TEKT5: variants seen among roughly 807,000 people sequenced by gnomAD.
The protein encoded by TEKT5 is tektin-5.
In TEKT5, 52 loss-of-function variants were observed where a neutral mutation model predicts 48.7. The ratio of observed to expected loss-of-function variants is 1.07; its 90% CI spans 0.86 to 1.35. The LOEUF is 1.35. Ranked by LOEUF, TEKT5 falls within the 40% of genes most tolerant of loss-of-function variation. The probability of loss-of-function intolerance (pLI) is 0.00; values close to 1 mark genes in which losing one functional copy is unlikely to be tolerated. For missense variants in TEKT5, 831 were observed against 641.6 expected (o/e 1.30, Z -3.19); for synonymous variants, 318 against 267.6 (o/e 1.19, Z -1.84).
chr16:10,680,959 T>C (rs567957016), intron 4 of TEKT5, among the ~76,000 whole-genome samples: 5 of 149,828 alleles, frequency 3.3e-5, no homozygotes, highest in African/African-American at 4.9e-5. Context: ...TGTATACATA[T>C]GTAACTAACC....
In TEKT5 at chr16:10,633,440, G is replaced by A. The variant is rs934443239; in HGVS notation, c.1241+2324C>T. 3.9e-5 allele frequency among the ~76,000 whole-genome samples: 6 copies of A among 152,100 alleles called. No homozygotes were observed. The East Asian group carries it at 7.7e-4, about 20-fold the overall frequency. The stretch of plus-strand genomic sequence containing the variant: ...GGTACTGGGGTTCAGCCTGAGCATC[G>A]AAGAAGCAGGGGCAGAGGGAAGAGA... On this transcript the variant is annotated intron_variant, in intron 6 of 6. Transcript: ENST00000283025.
chr16:10,647,633 C>G (rs1567227036), intron 5 of TEKT5, among the ~76,000 whole-genome samples: 1 of 131,086 alleles, frequency 7.6e-6, no homozygotes, highest in African/African-American at 2.9e-5. Flanking sequence ...CCCACCTTGT[C>G]TCTTTCTTTG....
chr16:10,689,326 G>A lies in TEKT5; in HGVS notation c.649-3C>T, dbSNP rs373982599. The A allele has an allele frequency of 1.9e-6, 3 of 1,612,034 alleles. No individual in the cohort carries two copies. The African/African-American group carries it at 4.0e-5, about 22-fold the overall frequency. Reference sequence around the variant, plus strand: ...CAACATTTTAGCAAATCCACTTCCTGAAATGAAAAATGTCAGAAAGAGCAG... The same window carrying A: ...CAACATTTTAGCAAATCCACTTCCTAAAATGAAAAATGTCAGAAAGAGCAG... On this transcript the variant is annotated splice_polypyrimidine_tract_variant and splice_region_variant and intron_variant, in intron 2 of 6. Coordinates refer to ENST00000283025, the MANE Select transcript of TEKT5 (RefSeq NM_144674.2).
Position 10,689,406 on chromosome 16 carries a change from C to G in TEKT5, c.649-83G>C, listed in dbSNP as rs545146027. ...CCAGGCCAGAGCCCTCAGCTCTCCC[C>G]TCCCCTCTCACTGACCACCCTCGAC... On this transcript the variant is annotated intron_variant, in intron 2 of 6. Transcript: ENST00000283025. The G allele has an allele frequency of 1.7e-3, 2,160 of 1,266,172 alleles. 4 individuals are homozygous for G. Among genetic ancestry groups the G allele is most frequent in the Non-Finnish European group, 2.3e-3 (2,039 of 884,832 alleles). 78.4% of individuals were successfully genotyped at this position (1,266,172 alleles called of 1,614,324 possible).
At chr16:10,663,593 C>T (rs1177007570) in intron 5 of TEKT5, among the ~76,000 whole-genome samples, 1 of 152,108 alleles carries the variant, frequency 6.6e-6, no homozygotes, top group Non-Finnish European at 1.5e-5. Context: ...TCCGGAGGGA[C>T]CCGGTCAGGG....
rs546824808 is a variant in TEKT5, at chr16:10,669,590, C to T, written c.1086+6369G>A. Among the ~76,000 whole-genome samples the T allele has an allele frequency of 6.9e-4, 105 of 152,292 alleles. 1 individual carries two copies. In the South Asian group the frequency reaches 7.3e-3, roughly 11 times the overall value. On this transcript the variant is annotated intron_variant, in intron 5 of 6. Transcript: ENST00000283025. ...ATTGTATGATTCAGTGATATTAATGCTATATCCATGTAACACATATAATAT... is the reference window on the plus strand; with the variant it reads ...ATTGTATGATTCAGTGATATTAATGTTATATCCATGTAACACATATAATAT...
intron 4 of TEKT5, among the ~76,000 whole-genome samples, chr16:10,681,042 CAAA>C (rs35641359): frequency 4.0e-5 from 5 of 125,250 alleles, no homozygotes; most frequent in African/African-American, 1.5e-4. Flanking sequence ...AGAAAAATAC[CAAA>C]AAAAAAAAAA....
intron 5 of TEKT5, among the ~76,000 whole-genome samples, chr16:10,640,393 C>G (rs966413452): frequency 2.0e-5 from 3 of 152,168 alleles, no homozygotes; most frequent in Admixed American, 2.0e-4. Flanking sequence ...AGAATACAGG[C>G]ATGTGAGCCG....
rs774458718 is a variant in TEKT5 at position 10,627,652 on chromosome 16, G to C, written c.1389C>G (p.Ile463Met). The stretch of plus-strand genomic sequence containing the variant: ...GCATGCCCATGCACTTCTCCTTGTC[G>C]ATGCAGAGGGTGTTGGCCTTGATGG... The part of the protein sequence containing the change: ...ELAIKANTLC[I>M]DKEKCMGMRK... Residue 463 changes from isoleucine (I) to methionine (M), a missense_variant, in exon 7 of 7, where the codon ATC (isoleucine) becomes ATG (methionine). Transcript: ENST00000283025. The C allele has an allele frequency of 2.5e-6, 4 of 1,614,054 alleles. No individual in the cohort carries two copies. The highest frequency in any genetic ancestry group is 1.7e-5 in the Admixed American group (1 of 60,000).
At chr16:10,632,515 C>G (rs188257765) in intron 6 of TEKT5, among the ~76,000 whole-genome samples, 48 of 152,116 alleles carry the variant, frequency 3.2e-4, no homozygotes, top group Non-Finnish European at 1.6e-4. Context: ...AGGCTCATCT[C>G]GAACTCCTGG....
chr16:10,676,912 GGCCAGCCATGCCTCTAAT>G (rs1898656578), intron 4 of TEKT5, among the ~76,000 whole-genome samples: 1 of 145,882 alleles, frequency 6.9e-6, no homozygotes, highest in Middle Eastern at 3.2e-3. Context: ...TGGAGGGCTG[GGCCAGCCATGCCTCTAAT>G]CCCAGCACAC....
At chr16:10,690,980 C>T (rs1195927469) in intron 1 of TEKT5, among the ~76,000 whole-genome samples, 1 of 152,154 alleles carries the variant, frequency 6.6e-6, no homozygotes, top group South Asian at 2.1e-4. Flanking sequence ...GATAGCACAA[C>T]GAACCAGGCT....
In TEKT5 at chr16:10,634,350, A is replaced by G. The variant is rs185520759; in HGVS notation, c.1241+1414T>C. ...AAGGAAGCCTGAGGATGGTCCTTTCAATCTTTTTCTCTTGGGGGATATCAA... is the reference window on the plus strand; with the variant it reads ...AAGGAAGCCTGAGGATGGTCCTTTCGATCTTTTTCTCTTGGGGGATATCAA... On this transcript the variant is annotated intron_variant, in intron 6 of 6. Transcript: ENST00000283025. Among the ~76,000 whole-genome samples the G allele has an allele frequency of 1.1e-3, 163 of 152,276 alleles. 2 individuals carry two copies. The highest frequency in any genetic ancestry group is 8.5e-3 in the South Asian group (41 of 4,830).
chr16:10,651,606 T>C (rs1898156768), intron 5 of TEKT5, among the ~76,000 whole-genome samples: 1 of 152,186 alleles, frequency 6.6e-6, no homozygotes, highest in Non-Finnish European at 1.5e-5. Context: ...AATTAGTGGG[T>C]GCTCAGCAAA....
intron 1 of TEKT5, among the ~76,000 whole-genome samples, chr16:10,691,966 G>T (rs1046318661): frequency 6.5e-5 from 9 of 138,828 alleles, no homozygotes; most frequent in Non-Finnish European, 1.3e-4. Flanking sequence ...AAAAAAAAAG[G>T]TTGTTAATTT....
At chr16:10,649,392 T>C (rs1898118383) in intron 5 of TEKT5, among the ~76,000 whole-genome samples, 1 of 152,118 alleles carries the variant, frequency 6.6e-6, no homozygotes, top group Admixed American at 6.5e-5. Flanking sequence ...ATTATAGGCA[T>C]GAACCAATGC....
chr16:10,664,957 GA>G (rs775341587), intron 5 of TEKT5, among the ~76,000 whole-genome samples: 1 of 152,162 alleles, frequency 6.6e-6, no homozygotes, highest in East Asian at 1.9e-4. Flanking sequence ...TTTGACAGAG[GA>G]AAAAACTGAA....
chr16:10,661,706 C>T (rs1255383606), intron 5 of TEKT5, among the ~76,000 whole-genome samples: 1 of 152,134 alleles, frequency 6.6e-6, no homozygotes. Flanking sequence ...CAGTGGTATT[C>T]GGATTCCAGT....
At chr16:10,690,846 G>C (rs979091561) in intron 1 of TEKT5, 1 of 926,784 alleles carries the variant, frequency 1.1e-6, no homozygotes, top group Non-Finnish European at 1.3e-6. Flanking sequence ...GAAGCAGGAT[G>C]TCAAGGTCTG....
Sources: allele counts gnomAD v4.1 joint callset (sites outside exome capture counted in the v4.1 genomes callset), GRCh38; gene constraint gnomAD v4.1.1; transcripts MANE v1.5; gene names NCBI Gene and HGNC (gene_info 2026-07-23, HGNC 2026-07-21).